Variants in GYG2 observed in about 807,000 individuals in gnomAD.
GYG2 encodes the protein glycogenin 2.
In GYG2, 29 loss-of-function variants were observed where a neutral mutation model predicts 29.4. The observed-to-expected ratio is 0.99, with a 90% CI of 0.74 to 1.35. GYG2 has a LOEUF of 1.35. Ranked by LOEUF, GYG2 falls within the 40% of genes most tolerant of loss-of-function variation. GYG2 has a pLI of 0.00. For synonymous variants in GYG2, 167 were observed against 172.3 expected (o/e 0.97, Z 0.24); for missense variants, 370 against 385.7 (o/e 0.96, Z 0.34).
intron 3 of GYG2, among the ~76,000 whole-genome samples, chrX:2,848,276 C>T (rs1398854953): frequency 1.8e-5 from 2 of 111,411 alleles, no homozygotes; most frequent in African/African-American, 6.5e-5. Context: ...TGGTACCTCA[C>T]GCCTGTAATC....
chrX:2,868,681 G>A (rs1007857084), intron 8 of GYG2, among the ~76,000 whole-genome samples: 1 of 109,647 alleles, frequency 9.1e-6, no homozygotes, highest in Non-Finnish European at 1.9e-5. Flanking sequence ...GGATTGGGGG[G>A]CGAGGGGAGG....
chrX:2,849,997 G>T (rs1017512013), intron 3 of GYG2, among the ~76,000 whole-genome samples: 4 of 111,020 alleles, frequency 3.6e-5, no homozygotes, highest in African/African-American at 1.3e-4. Context: ...CATGCCTGTA[G>T]TCCCAGTTAC....
At position 2,880,553 on chromosome X, in the gene GYG2, CTT is replaced by C. The variant is rs752453291; in HGVS notation, c.1252-498_1252-497del. On this transcript the variant is annotated intron_variant, in intron 10 of 10. Transcript: ENST00000398806. The stretch of plus-strand genomic sequence containing the variant: ...TTACATTTTATAAAATTTCAAAACA[CTT>C]AAGCAAAAAAAATTATCTTCTAAGC... Among the ~76,000 whole-genome samples, 114 of 109,097 alleles carry C rather than the reference CTT, an allele frequency of 1.0e-3. 1 individual carries two copies. Among genetic ancestry groups the C allele is most frequent in the African/African-American group, 1.9e-3 (55 of 28,471 alleles). 94.7% of individuals were successfully genotyped at this position (109,097 alleles called of 115,157 possible). A position where few individuals can be genotyped will look rare whatever the true frequency, so the allele number is the denominator to read the frequency against.
At chrX:2,846,024 C>CACATATATACACATAT (rs2087713513) in intron 3 of GYG2, among the ~76,000 whole-genome samples, 1 of 63,399 alleles carries the variant, frequency 1.6e-5, no homozygotes, top group African/African-American at 5.0e-5. Flanking sequence ...TACACACACA[C>CACATATATACACATAT]ATATATATAC....
chrX:2,848,704 A>T (rs1045148613), intron 3 of GYG2, among the ~76,000 whole-genome samples: 6 of 111,663 alleles, frequency 5.4e-5, no homozygotes, highest in African/African-American at 2.0e-4. Flanking sequence ...AGTTGCTTGT[A>T]ACACAAAGGA....
At chrX:2,843,795 A>C (rs1243525234) in intron 3 of GYG2, among the ~76,000 whole-genome samples, 2 of 110,499 alleles carry the variant, frequency 1.8e-5, no homozygotes, top group Non-Finnish European at 3.8e-5. Context: ...ATGCTCGGCT[A>C]TTTTTATTTT....
Position 2,881,016 on chromosome X carries a change from C to T in GYG2, c.1252-36C>T, listed in dbSNP as rs747644628. ...CAGTCTTTCCCTCGATAATGGACAG[C>T]TGCAAAAACCATCTCCCACTGACTG... is the stretch of plus-strand genomic sequence containing the variant. On this transcript the variant is annotated intron_variant, in intron 10 of 10. Transcript: ENST00000398806. 2.2e-5 allele frequency: 26 copies of T among 1,192,747 alleles called. No individual in the cohort carries two copies. In the South Asian group the frequency reaches 3.1e-4, roughly 14 times the overall value.
At chrX:2,849,359 T>C (rs2087816716) in intron 3 of GYG2, among the ~76,000 whole-genome samples, 1 of 111,388 alleles carries the variant, frequency 9.0e-6, no homozygotes, top group African/African-American at 3.3e-5. Context: ...CAGTGAAATC[T>C]TACAAATAAA....
Position 2,881,201 on chromosome X carries a change from G to C in GYG2, c.1401G>C (p.Arg467=), listed in dbSNP as rs373273783. The C allele has an allele frequency of 1.7e-6, 2 of 1,185,426 alleles. No individual in the cohort carries two copies. The highest frequency in any genetic ancestry group is 3.5e-5 in the African/African-American group (2 of 56,827). The change falls in exon 11 of 11, where the codon CGG becomes CGC. Residue 467 remains arginine, a synonymous_variant. Transcript: ENST00000398806. ...AFARIQEKLD[R]FLQ is the part of the protein sequence containing the mutation. ...CTCGCATCCAGGAGAAGCTGGACCG[G>C]TTCCTGCAGTAATCCGGCAGCTGGT...
At position 2,881,185 on chromosome X, in the gene GYG2, A is replaced by G; in HGVS notation, c.1385A>G (p.Gln462Arg). 1 of 1,197,561 alleles carries G rather than the reference A, an allele frequency of 8.4e-7. No homozygotes were observed. The highest frequency in any genetic ancestry group is 1.1e-6 in the Non-Finnish European group (1 of 887,978). Residue 462 changes from glutamine (Q) to arginine (R), a missense_variant, in exon 11 of 11, where the codon CAG becomes CGG. Transcript: ENST00000398806. Reference sequence around the variant, plus strand: ...GGGAAGGACGCGTTTGCTCGCATCCAGGAGAAGCTGGACCGGTTCCTGCAG... The same window carrying G: ...GGGAAGGACGCGTTTGCTCGCATCCGGGAGAAGCTGGACCGGTTCCTGCAG... ...YMGKDAFARI[Q>R]EKLDRFLQ
chrX:2,846,847 A>G (rs5982888), intron 3 of GYG2, among the ~76,000 whole-genome samples: 41,024 of 111,400 alleles, frequency 0.37, 5,625 homozygotes, highest in African/African-American at 0.45. Flanking sequence ...TTTTAAAAGC[A>G]AATAGTATAT....
chrX:2,854,878 G>A, intron 4 of GYG2, 115 bp from the exon 5 acceptor site: 1 of 848,609 alleles, frequency 1.2e-6, no homozygotes, highest in Non-Finnish European at 1.7e-6. Flanking sequence ...GCCGCAGTGA[G>A]CCGAGACTGA....
chrX:2,853,818 C>T (rs919883405), intron 3 of GYG2, 162 bp from the exon 4 acceptor site: 5 of 440,533 alleles, frequency 1.1e-5, no homozygotes, highest in African/African-American at 9.9e-5. Context: ...CTAAGCCATC[C>T]GTGGAAATGT....
chrX:2,859,036 T>C (rs1309536288), intron 6 of GYG2, among the ~76,000 whole-genome samples: 3 of 111,725 alleles, frequency 2.7e-5, no homozygotes, highest in African/African-American at 9.7e-5. Context: ...TGTCAATGGA[T>C]TACGATTATG....
chrX:2,863,267 G>A (rs937148283), intron 8 of GYG2, among the ~76,000 whole-genome samples: 1 of 109,553 alleles, frequency 9.1e-6, no homozygotes, highest in Non-Finnish European at 1.9e-5. Flanking sequence ...GTAGAGACGG[G>A]GTTTCACTGT....
intron 2 of GYG2, among the ~76,000 whole-genome samples, chrX:2,832,020 C>T (rs1342324353): frequency 8.9e-6 from 1 of 112,758 alleles, no homozygotes; most frequent in Non-Finnish European, 1.9e-5. Flanking sequence ...TCTTTGAATG[C>T]AGTAGCATTG....
chrX:2,867,400 AT>A (rs759964210), intron 8 of GYG2, among the ~76,000 whole-genome samples: 5 of 111,387 alleles, frequency 4.5e-5, no homozygotes, highest in Non-Finnish European at 7.5e-5. Context: ...AAACAGACAG[AT>A]CCAGCTCAGA....
rs182300631 is a variant in GYG2 at position 2,869,951 on chromosome X, G to A, written c.1039-5859G>A. 5.4e-4 allele frequency among the ~76,000 whole-genome samples: 60 copies of A among 112,139 alleles called. 1 individual carries two copies. The highest frequency in any genetic ancestry group is 3.8e-4 in the Admixed American group (4 of 10,573). On this transcript the variant is annotated intron_variant, in intron 8 of 10. Coordinates refer to ENST00000398806, the MANE Select transcript of GYG2 (RefSeq NM_001079855.2). Reference sequence around the variant, plus strand: ...GCCACCGTGCCTGCCCCAGATCTGTGTTTTTTAAAGTAAAGCTGAATATTA... The same window carrying A: ...GCCACCGTGCCTGCCCCAGATCTGTATTTTTTAAAGTAAAGCTGAATATTA...
chrX:2,831,810 G>A (rs780035021), intron 2 of GYG2, among the ~76,000 whole-genome samples: 1 of 111,393 alleles, frequency 9.0e-6, no homozygotes, highest in South Asian at 3.8e-4. Flanking sequence ...GAGTGCAGGG[G>A]GGCAGGCAAG....
Sources: allele counts gnomAD v4.1 joint callset (sites outside exome capture counted in the v4.1 genomes callset), GRCh38; gene constraint gnomAD v4.1.1; transcripts MANE v1.5; gene names NCBI Gene and HGNC (gene_info 2026-07-23, HGNC 2026-07-21).